Variants in CADM2 observed in about 807,000 individuals in gnomAD.
The protein encoded by CADM2 is cell adhesion molecule 2, also known as immunoglobulin superfamily member 4D.
In CADM2, 12 loss-of-function variants were observed where a neutral mutation model predicts 49.8. That is an observed-to-expected ratio of 0.24 (90% CI 0.15 to 0.39). The LOEUF is 0.39. Among genes scored for constraint, CADM2 ranks in the 10% least tolerant of loss-of-function variants. CADM2 has a pLI of 1.00. For missense variants in CADM2, 378 were observed against 492.3 expected (o/e 0.77, Z 2.20); for synonymous variants, 214 against 175.4 (o/e 1.22, Z -1.74).
chr3:85,329,831 C>T (rs574942840), intron 1 of CADM2, among the ~76,000 whole-genome samples: 1 of 151,984 alleles, frequency 6.6e-6, no homozygotes, highest in East Asian at 1.9e-4. Flanking sequence ...TGAGACAACA[C>T]ATGACAATCT....
chr3:85,703,483 T>C (rs1456166454), intron 1 of CADM2, among the ~76,000 whole-genome samples: 1 of 152,160 alleles, frequency 6.6e-6, no homozygotes, highest in Non-Finnish European at 1.5e-5. Context: ...GGGCAAATGA[T>C]TTATAAACAT....
intron 1 of CADM2, among the ~76,000 whole-genome samples, chr3:85,520,761 C>G (rs2061011178): frequency 6.6e-6 from 1 of 151,822 alleles, no homozygotes; most frequent in South Asian, 2.1e-4. Flanking sequence ...GAAAGTGAAC[C>G]TGGGCAAATT....
intron 6 of CADM2, among the ~76,000 whole-genome samples, chr3:85,918,615 C>T (rs1333426925): frequency 1.3e-5 from 2 of 152,000 alleles, no homozygotes; most frequent in African/African-American, 2.4e-5. Context: ...CTAAAATTCT[C>T]TTTTTTTGTT....
chr3:85,105,335 A>G (rs1434938425), intron 1 of CADM2, among the ~76,000 whole-genome samples: 1 of 152,230 alleles, frequency 6.6e-6, no homozygotes, highest in Non-Finnish European at 1.5e-5. Flanking sequence ...TCCAAAAAAC[A>G]CATGAAAAAA....
chr3:86,071,456 AATC>A lies in CADM2; in HGVS notation c.*4678_*4680del, dbSNP rs915038144. ...GACAACATATAACAATGGGTTCTAAAATCATCAGCATTTTTATGTATTGAGATT... is the reference window on the plus strand; with the variant it reads ...GACAACATATAACAATGGGTTCTAAAATCAGCATTTTTATGTATTGAGATT... On this transcript the variant is annotated 3_prime_UTR_variant, in exon 10 of 10. Transcript: ENST00000383699. The A allele has an allele frequency of 6.6e-6, 1 of 151,886 alleles. No individual in the cohort carries two copies. The highest frequency in any genetic ancestry group is 1.5e-5 in the Non-Finnish European group (1 of 67,828). 9.4% of individuals were successfully genotyped at this position (151,886 alleles called of 1,614,324 possible). A position where few individuals can be genotyped will look rare whatever the true frequency, so the allele number is the denominator to read the frequency against.
At chr3:85,628,134 T>C (rs531939215) in intron 1 of CADM2, among the ~76,000 whole-genome samples, 1 of 152,124 alleles carries the variant, frequency 6.6e-6, no homozygotes, top group East Asian at 1.9e-4. Context: ...TACTGAATCG[T>C]AATGAATGAA....
chr3:85,457,349 G>A (rs978242453), intron 1 of CADM2, among the ~76,000 whole-genome samples: 5 of 151,820 alleles, frequency 3.3e-5, no homozygotes, highest in Admixed American at 1.3e-4. Flanking sequence ...GGAGGTCAAG[G>A]CTGCAGTGAG....
At chr3:85,195,926 G>A (rs1243484522) in intron 1 of CADM2, among the ~76,000 whole-genome samples, 2 of 152,064 alleles carry the variant, frequency 1.3e-5, no homozygotes, top group Non-Finnish European at 2.9e-5. Context: ...TTGAAATACA[G>A]TGAGGAATAA....
intron 1 of CADM2, among the ~76,000 whole-genome samples, chr3:85,271,966 A>G (rs1316163448): frequency 2.0e-5 from 3 of 151,290 alleles, no homozygotes; most frequent in Non-Finnish European, 4.4e-5. Context: ...TATCTCTGAA[A>G]CAAACAATAT....
intron 7 of CADM2, among the ~76,000 whole-genome samples, chr3:85,940,629 C>T (rs932678817): frequency 3.9e-5 from 6 of 152,052 alleles, no homozygotes; most frequent in African/African-American, 1.4e-4. Flanking sequence ...TACCGCTCTC[C>T]TGCTATATAG....
intron 1 of CADM2, among the ~76,000 whole-genome samples, chr3:85,568,603 C>T (rs1161394991): frequency 2.9e-5 from 2 of 68,872 alleles, no homozygotes; most frequent in African/African-American, 7.9e-5. Flanking sequence ...TCTTTTCTTT[C>T]CTCTCTTTCT....
Position 85,174,905 on chromosome 3 carries a change from T to A in CADM2, c.61+215237T>A, listed in dbSNP as rs565606803. ...AGACACAAGAGATTGTTGTTAAAAC[T>A]CGACAATAACAGCAACATCAACAAT... On this transcript the variant is annotated intron_variant, in intron 1 of 9. Coordinates refer to ENST00000383699, the MANE Select transcript of CADM2 (RefSeq NM_001167675.2). Among the ~76,000 whole-genome samples, 102 of 152,254 alleles carry A rather than the reference T, an allele frequency of 6.7e-4. 1 individual carries two copies. Among genetic ancestry groups the A allele is most frequent in the African/African-American group, 2.4e-3 (98 of 41,554 alleles).
At chr3:85,729,094 G>A (rs755036416) in intron 2 of CADM2, among the ~76,000 whole-genome samples, 2 of 152,000 alleles carry the variant, frequency 1.3e-5, no homozygotes, top group Non-Finnish European at 2.9e-5. Flanking sequence ...ATCCAAGGGT[G>A]GTTTCTCAAT....
intron 1 of CADM2, among the ~76,000 whole-genome samples, chr3:85,561,757 T>G (rs78015688): frequency 0.51 from 77,739 of 151,818 alleles, 22,974 homozygotes; most frequent in East Asian, 0.85. Context: ...ACCTTTTTTT[T>G]AGGCAAGTGA....
chr3:86,021,616 TA>T (rs1733192907), intron 8 of CADM2, among the ~76,000 whole-genome samples: 1 of 152,180 alleles, frequency 6.6e-6, no homozygotes, highest in South Asian at 2.1e-4. Flanking sequence ...ATTTCTCACT[TA>T]AAAATATTGG....
At chr3:85,491,945 C>T (rs1385900511) in intron 1 of CADM2, among the ~76,000 whole-genome samples, 1 of 87,448 alleles carries the variant, frequency 1.1e-5, no homozygotes, top group African/African-American at 3.1e-5. Flanking sequence ...GTGAGACTGT[C>T]TCAAAAAAAA....
chr3:85,054,749 C>T (rs929260560), intron 1 of CADM2, among the ~76,000 whole-genome samples: 1 of 151,874 alleles, frequency 6.6e-6, no homozygotes. Flanking sequence ...CAGACATAGA[C>T]TTTAACTTGG....
At chr3:86,012,607 G>A in intron 8 of CADM2, 1 of 1,581,160 alleles carries the variant, frequency 6.3e-7, no homozygotes, top group South Asian at 1.1e-5. Context: ...AGCGCACGCA[G>A]TCCGACCTGG....
chr3:85,642,275 A>G (rs759630756), intron 1 of CADM2, among the ~76,000 whole-genome samples: 4 of 152,146 alleles, frequency 2.6e-5, no homozygotes, highest in Non-Finnish European at 4.4e-5. Flanking sequence ...CAAATTTGAC[A>G]CGATGAATAT....
Sources: gnomAD v4.1 joint callset for allele counts (sites outside exome capture counted in the v4.1 genomes callset) on GRCh38, gnomAD v4.1.1 for gene constraint, MANE v1.5 for transcripts, NCBI Gene and HGNC (gene_info 2026-07-23, HGNC 2026-07-21) for gene names.